The following CAP2 variants were observed in gnomAD, a reference collection of about 807,000 sequenced individuals.
CAP2 encodes cyclase associated actin cytoskeleton regulatory protein 2, also known as adenylyl cyclase-associated protein 2.
A neutral mutation model predicts 57.7 loss-of-function variants in CAP2; 24 were observed. The ratio of observed to expected loss-of-function variants is 0.42; its 90% CI spans 0.30 to 0.58. CAP2 has a LOEUF of 0.58. CAP2 is among the 20% of genes least tolerant of loss of function. CAP2 has a pLI of 0.22. For synonymous variants in CAP2, 194 were observed against 207.2 expected (o/e 0.94, Z 0.55); for missense variants, 501 against 590.3 (o/e 0.85, Z 1.57).
intron 4 of CAP2, among the ~76,000 whole-genome samples, chr6:17,506,756 G>A (rs989205822): frequency 6.6e-6 from 1 of 152,140 alleles, no homozygotes; most frequent in East Asian, 1.9e-4. Context: ...ACAGGAATAG[G>A]ATGAAGTCAT....
intron 2 of CAP2, 70 bp from the exon 3 acceptor site, chr6:17,426,520 C>A (rs751356122): frequency 1.4e-5 from 15 of 1,106,254 alleles, no homozygotes; most frequent in Non-Finnish European, 2.1e-5. Context: ...CAGGTGTGAG[C>A]CACCGTGCCC....
intron 4 of CAP2, among the ~76,000 whole-genome samples, chr6:17,466,128 T>G (rs1760857805): frequency 6.6e-6 from 1 of 152,224 alleles, no homozygotes; most frequent in South Asian, 2.1e-4. Flanking sequence ...GTATGCATTC[T>G]AGAAGATGCA....
chr6:17,449,053 C>T (rs59537868), intron 3 of CAP2, among the ~76,000 whole-genome samples: 16,869 of 152,154 alleles, frequency 0.11, 3,038 homozygotes, highest in African/African-American at 0.38. Flanking sequence ...TGAGCCACAG[C>T]GCCCGGCCTA....
At chr6:17,469,530 T>G (rs1215334761) in intron 4 of CAP2, among the ~76,000 whole-genome samples, 1 of 152,126 alleles carries the variant, frequency 6.6e-6, no homozygotes, top group African/African-American at 2.4e-5. Context: ...TGATTTATGG[T>G]CATTGGCTGC....
chr6:17,507,585 T>C (rs930128979), intron 5 of CAP2, 56 bp from the exon 6 acceptor site: 2 of 1,077,734 alleles, frequency 1.9e-6, no homozygotes, highest in African/African-American at 3.1e-5. Context: ...AGGCATTTTC[T>C]TTCTTATCCT....
At chr6:17,507,450 C>T in intron 5 of CAP2, 138 bp downstream of exon 5, 1 of 946,286 alleles carries the variant, frequency 1.1e-6, no homozygotes, top group Non-Finnish European at 1.6e-6. Context: ...CTTTCTCCTA[C>T]CCTGTTTAAA....
intron 1 of CAP2, among the ~76,000 whole-genome samples, chr6:17,409,157 A>G (rs1750966856): frequency 6.6e-6 from 1 of 150,852 alleles, no homozygotes; most frequent in African/African-American, 2.4e-5. Flanking sequence ...GAGTCACCTG[A>G]GGTCAGGCAT....
chr6:17,396,556 G>A (rs62393823), intron 1 of CAP2, among the ~76,000 whole-genome samples: 7 of 152,236 alleles, frequency 4.6e-5, no homozygotes, highest in South Asian at 2.1e-4. Context: ...AAAATATCAC[G>A]TACTGTATGA....
chr6:17,415,957 T>C (rs1198050850), intron 1 of CAP2, among the ~76,000 whole-genome samples: 1 of 151,906 alleles, frequency 6.6e-6, no homozygotes, highest in African/African-American at 2.4e-5. Context: ...GAAGAAAATA[T>C]GAGGGATGAA....
chr6:17,420,449 G>A (rs903652759), intron 1 of CAP2, among the ~76,000 whole-genome samples: 4 of 152,222 alleles, frequency 2.6e-5, no homozygotes, highest in Admixed American at 1.3e-4. Context: ...TTAGCTCTTA[G>A]AGGTGATGGC....
At chr6:17,490,635 G>C (rs1030872752) in intron 4 of CAP2, among the ~76,000 whole-genome samples, 1 of 152,218 alleles carries the variant, frequency 6.6e-6, no homozygotes, top group African/African-American at 2.4e-5. Context: ...CAGAGGTCCT[G>C]CCCATGAGTT....
At chr6:17,442,106 G>A (rs555469698) in intron 3 of CAP2, among the ~76,000 whole-genome samples, 3 of 152,242 alleles carry the variant, frequency 2.0e-5, no homozygotes, top group South Asian at 4.1e-4. Flanking sequence ...TACTTTAGGG[G>A]CAATTAAATT....
At chr6:17,527,698 C>T (rs1448542581) in intron 7 of CAP2, among the ~76,000 whole-genome samples, 1 of 149,054 alleles carries the variant, frequency 6.7e-6, no homozygotes, top group Admixed American at 6.8e-5. Flanking sequence ...CGGGATCAAG[C>T]GATTCTTGTG....
intron 1 of CAP2, among the ~76,000 whole-genome samples, chr6:17,410,565 A>C (rs1023564521): frequency 6.6e-6 from 1 of 151,614 alleles, no homozygotes; most frequent in Non-Finnish European, 1.5e-5. Flanking sequence ...AAAGTTACTC[A>C]GATTTAATTT....
In CAP2 at chr6:17,507,201, G is replaced by A. The variant is rs753977397; in HGVS notation, c.333G>A (p.Ser111=). ...NDVAALLKPI[S]EKIQEIQTFR... ...TGGCCGCACTTCTGAAACCCATATCGGAAAAGATTCAGGAAATCCAAACTT... is the reference window on the plus strand; with the variant it reads ...TGGCCGCACTTCTGAAACCCATATCAGAAAAGATTCAGGAAATCCAAACTT... Residue 111 remains serine (S), a synonymous_variant, in exon 5 of 13, where the codon TCG becomes TCA. Coordinates refer to ENST00000229922, the MANE Select transcript of CAP2 (RefSeq NM_006366.3). 72 of 1,613,994 alleles carry A rather than the reference G, an allele frequency of 4.5e-5. No homozygotes were observed. The highest frequency in any genetic ancestry group is 6.7e-5 in the African/African-American group (5 of 74,894).
intron 11 of CAP2, among the ~76,000 whole-genome samples, chr6:17,543,624 CAAAAAAAA>C (rs66747239): frequency 1.2e-5 from 1 of 83,918 alleles, no homozygotes; most frequent in African/African-American, 4.8e-5. Context: ...GACTCCATCT[CAAAAAAAA>C]AAAAAAAAAA....
In CAP2 at chr6:17,551,545, G is replaced by A; in HGVS notation, c.1291G>A (p.Glu431Lys). Residue 431 changes from glutamate to lysine, a missense_variant, in exon 12 of 13, where the codon GAG becomes AAG. Glu to Lys is a moderately conservative substitution (Grantham distance 56). Coordinates refer to ENST00000229922, the MANE Select transcript of CAP2 (RefSeq NM_006366.3). ...IYLSEDALDC[E>K]IVSAKSSEMN... ...CCTCAGTGAAGATGCATTAGACTGT[G>A]AGATCGTGAGCGCCAAGTCATCTGA... The A allele has an allele frequency of 6.2e-7, 1 of 1,611,832 alleles. No homozygotes were observed. The highest frequency in any genetic ancestry group is 8.5e-7 in the Non-Finnish European group (1 of 1,178,140).
At chr6:17,421,783 C>G (rs1417637415) in intron 2 of CAP2, 107 bp downstream of exon 2, 6 of 1,260,226 alleles carry the variant, frequency 4.8e-6, no homozygotes, top group Non-Finnish European at 6.9e-6. Flanking sequence ...AGCTTCCCTA[C>G]TCCTTCCATC....
At chr6:17,431,855 C>T (rs757601946) in intron 3 of CAP2, among the ~76,000 whole-genome samples, 1 of 152,062 alleles carries the variant, frequency 6.6e-6, no homozygotes, top group East Asian at 1.9e-4. Context: ...GGGAGCTATT[C>T]GGTTTCCAAA....
Sources: gnomAD v4.1 joint callset for allele counts (sites outside exome capture counted in the v4.1 genomes callset) on GRCh38, gnomAD v4.1.1 for gene constraint, MANE v1.5 for transcripts, NCBI Gene and HGNC (gene_info 2026-07-23, HGNC 2026-07-21) for gene names.